The following EPN2 variants were observed in gnomAD, a reference collection of about 807,000 sequenced individuals.
EPN2 encodes the protein epsin-2.
A neutral mutation model predicts 61.7 loss-of-function variants in EPN2; 34 were observed. That is an observed-to-expected ratio of 0.55 (90% CI 0.42 to 0.73). The LOEUF is 0.73. EPN2 is among the 30% of genes least tolerant of loss of function. EPN2 has a pLI of 0.00. For synonymous variants in EPN2, 349 were observed against 353.6 expected (o/e 0.99, Z 0.15); for missense variants, 714 against 839.2 (o/e 0.85, Z 1.84).
chr17:19,289,792 T>A (rs1263036878), intron 4 of EPN2, among the ~76,000 whole-genome samples: 1 of 130,270 alleles, frequency 7.7e-6, no homozygotes, highest in Non-Finnish European at 1.6e-5. Flanking sequence ...AGTGGGGTGA[T>A]CTGGGCTCAC....
At chr17:19,239,525 G>C (rs1169658411) in intron 1 of EPN2, among the ~76,000 whole-genome samples, 1 of 152,152 alleles carries the variant, frequency 6.6e-6, no homozygotes, top group Non-Finnish European at 1.5e-5. Context: ...TTAAAATTGG[G>C]CTAGTCATCT....
chr17:19,326,355 T>C (rs189097154), intron 7 of EPN2, among the ~76,000 whole-genome samples: 1 of 152,320 alleles, frequency 6.6e-6, no homozygotes, highest in Admixed American at 6.5e-5. Context: ...GTATCAGATA[T>C]CAAGAATTCT....
At chr17:19,274,308 CTG>C (rs1227112346) in intron 1 of EPN2, 1 of 152,256 alleles carries the variant, frequency 6.6e-6, no homozygotes, top group Non-Finnish European at 1.5e-5. Flanking sequence ...TGGTGGAACA[CTG>C]TGGGAAAGGT....
At chr17:19,324,713 A>G (rs550833976) in intron 7 of EPN2, among the ~76,000 whole-genome samples, 1 of 152,354 alleles carries the variant, frequency 6.6e-6, no homozygotes, top group African/African-American at 2.4e-5. Flanking sequence ...TGTTCACATT[A>G]GTAAAAAAGA....
chr17:19,244,203 G>T (rs2044919121), intron 1 of EPN2, among the ~76,000 whole-genome samples: 1 of 152,200 alleles, frequency 6.6e-6, no homozygotes, highest in Admixed American at 6.5e-5. Context: ...GCTCATGCTT[G>T]TAATCCCAGC....
At chr17:19,275,879 C>G (rs1327788560) in intron 1 of EPN2, among the ~76,000 whole-genome samples, 2 of 152,166 alleles carry the variant, frequency 1.3e-5, no homozygotes, top group African/African-American at 4.8e-5. Flanking sequence ...CGTGGAGGCT[C>G]TGGAGCTCCC....
intron 7 of EPN2, among the ~76,000 whole-genome samples, chr17:19,319,259 T>A (rs1906536268): frequency 6.6e-6 from 1 of 152,194 alleles, no homozygotes; most frequent in African/African-American, 2.4e-5. Flanking sequence ...TATAAACCTA[T>A]TAGTTTAAAC....
intron 1 of EPN2, among the ~76,000 whole-genome samples, chr17:19,273,712 TG>T (rs1237895352): frequency 6.6e-6 from 1 of 152,192 alleles, no homozygotes; most frequent in African/African-American, 2.4e-5. Flanking sequence ...AGAATATAGA[TG>T]CCCACTTTCA....
Position 19,253,641 on chromosome 17 carries a change from C to T in EPN2, c.-294+16110C>T, listed in dbSNP as rs184318574. On this transcript the variant is annotated intron_variant, in intron 1 of 10. Coordinates refer to ENST00000314728, the MANE Select transcript of EPN2 (RefSeq NM_014964.5). ...CTCGAACTTCTAGGTTCAGGTGATC[C>T]GCCTGCCTCAGCCTCCCACAGTGTT... Among the ~76,000 whole-genome samples the T allele has an allele frequency of 6.6e-5, 10 of 152,116 alleles. No homozygotes were observed. In the East Asian group the frequency reaches 7.7e-4, roughly 12 times the overall value.
chr17:19,266,016 C>T (rs1347554899), intron 1 of EPN2, among the ~76,000 whole-genome samples: 3 of 152,134 alleles, frequency 2.0e-5, no homozygotes, highest in African/African-American at 7.2e-5. Context: ...GGACTCTGCT[C>T]ATTGTGTTGT....
chr17:19,277,048 G>A (rs1013899402), intron 1 of EPN2, among the ~76,000 whole-genome samples: 1 of 152,142 alleles, frequency 6.6e-6, no homozygotes, highest in Non-Finnish European at 1.5e-5. Context: ...GAGAAGGAAA[G>A]TGGAGCGTGC....
chr17:19,260,338 C>T (rs916601513), intron 1 of EPN2, among the ~76,000 whole-genome samples: 2 of 152,168 alleles, frequency 1.3e-5, no homozygotes, highest in African/African-American at 4.8e-5. Context: ...GGGGCATTGA[C>T]AGTGGGGGAA....
chr17:19,329,636 C>CAA lies in EPN2; in HGVS notation c.1407_1408dup (p.Thr470LysfsTer6). The CAA allele has an allele frequency of 6.3e-7, 1 of 1,594,266 alleles. No individual in the cohort carries two copies. The highest frequency in any genetic ancestry group is 1.7e-5 in the Admixed American group (1 of 58,616). On this transcript the variant is annotated frameshift_variant, in exon 9 of 11. Transcript: ENST00000314728. LOFTEE classifies it high-confidence loss of function. ...TCTGAATTTGACAACCTTCGGACTT[C>CAA]AAAAAAAACAGGTATGTACAGGTGA...
At chr17:19,241,600 A>T (rs1433489938) in intron 1 of EPN2, among the ~76,000 whole-genome samples, 7 of 151,824 alleles carry the variant, frequency 4.6e-5, no homozygotes, top group Admixed American at 6.6e-5. Context: ...AAAAAAAAAA[A>T]AAAAAATTGA....
chr17:19,261,639 G>T (rs1028402141), intron 1 of EPN2, among the ~76,000 whole-genome samples: 1 of 152,150 alleles, frequency 6.6e-6, no homozygotes, highest in Non-Finnish European at 1.5e-5. Context: ...TTCCTTCCAG[G>T]ATTTAAGTTA....
At chr17:19,313,069 A>G (rs760563498) in intron 6 of EPN2, 36 bp from the exon 7 acceptor site, 2 of 1,601,148 alleles carry the variant, frequency 1.2e-6, no homozygotes, top group East Asian at 2.3e-5. Context: ...TAACTGTAGC[A>G]TAGTAAAACC....
At position 19,328,892 on chromosome 17, in the gene EPN2, G is replaced by A; in HGVS notation, c.1324+5G>A. 1 of 1,602,830 alleles carries A rather than the reference G, an allele frequency of 6.2e-7. No individual in the cohort carries two copies. The highest frequency in any genetic ancestry group is 8.5e-7 in the Non-Finnish European group (1 of 1,173,150). On this transcript the variant is annotated splice_donor_5th_base_variant and intron_variant, in intron 8 of 10. Coordinates refer to ENST00000314728, the MANE Select transcript of EPN2 (RefSeq NM_014964.5). Reference sequence around the variant, plus strand: ...CCAAGCCCGTGTCTGTCTCTGGTGAGCCCCTCACTCACCCACTTTCCTGCC... The same window carrying A: ...CCAAGCCCGTGTCTGTCTCTGGTGAACCCCTCACTCACCCACTTTCCTGCC...
Position 19,313,112 on chromosome 17 carries a change from C to G in EPN2, c.980C>G (p.Ser327Cys), listed in dbSNP as rs1014843200. 18 of 1,613,224 alleles carry G rather than the reference C, an allele frequency of 1.1e-5. No homozygotes were observed. Among genetic ancestry groups the G allele is most frequent in the African/African-American group, 4.0e-5 (3 of 74,854 alleles). The change falls in exon 7 of 11, where the codon TCT becomes TGT. Residue 327 changes from serine to cysteine, a missense_variant. This residue lies in a region of EPN2 where 410 missense variants were observed against 421.8 expected (regional missense o/e 0.97). Coordinates refer to ENST00000314728, the MANE Select transcript of EPN2 (RefSeq NM_014964.5). ...TTCTCTTTGTCTTAAAAGCATGGCTCTCTCCCACAGCAGACTACGCTGTTG... is the reference window on the plus strand; with the variant it reads ...TTCTCTTTGTCTTAAAAGCATGGCTGTCTCCCACAGCAGACTACGCTGTTG... ...VKIPKKKEHGSLPQQTTLLDL... is the reference protein window; with the variant it reads ...VKIPKKKEHGCLPQQTTLLDL...
chr17:19,301,283 C>T (rs1905502234), intron 4 of EPN2, among the ~76,000 whole-genome samples: 1 of 152,166 alleles, frequency 6.6e-6, no homozygotes, highest in African/African-American at 2.4e-5. Flanking sequence ...ACCTCATCTT[C>T]ACTAATTATA....
Sources: allele counts gnomAD v4.1 joint callset (sites outside exome capture counted in the v4.1 genomes callset), GRCh38; gene constraint gnomAD v4.1.1; regional missense constraint gnomAD v4.1.1; transcripts MANE v1.5; gene names NCBI Gene and HGNC (gene_info 2026-07-23, HGNC 2026-07-21).